DNPEP: variants seen among roughly 807,000 people sequenced by gnomAD.
The protein encoded by DNPEP is aspartyl aminopeptidase.
In DNPEP, 46 loss-of-function variants were observed where a neutral mutation model predicts 59.1. The observed-to-expected ratio is 0.78, with a 90% CI of 0.61 to 0.99. The LOEUF (loss-of-function observed/expected upper bound fraction) is 0.99, where lower values mean the gene tolerates loss of function less well. Among genes scored for constraint, DNPEP ranks in the 50% least tolerant of loss-of-function variants. The pLI is 0.00. For missense variants in DNPEP, 617 were observed against 649.9 expected (o/e 0.95, Z 0.55); for synonymous variants, 229 against 242.2 (o/e 0.95, Z 0.50).
intron 9 of DNPEP, 35 bp downstream of exon 9, chr2:219,384,331 G>A: frequency 6.3e-7 from 1 of 1,582,388 alleles, no homozygotes; most frequent in Non-Finnish European, 8.6e-7. Context: ...CTCTGCTGGT[G>A]GTTATGTGCT....
intron 11 of DNPEP, 91 bp from the exon 12 acceptor site, chr2:219,381,675 C>T (rs1953609038): frequency 2.9e-6 from 4 of 1,399,108 alleles, no homozygotes; most frequent in Non-Finnish European, 4.1e-6. Context: ...ACTAATAGAT[C>T]ACCACTCTTT....
chr2:219,377,129 C>T (rs1953404167), intron 13 of DNPEP, among the ~76,000 whole-genome samples: 3 of 151,924 alleles, frequency 2.0e-5, no homozygotes, highest in Middle Eastern at 3.4e-3. Context: ...CAAAAATTAG[C>T]TGGGCATCGT....
chr2:219,399,819 A>AAT (rs1192960590), intron 1 of DNPEP: 1 of 919,610 alleles, frequency 1.1e-6, no homozygotes, highest in East Asian at 3.2e-5. Context: ...GGTGCCTAGG[A>AAT]ACGTGTCTGC....
At chr2:219,376,767 G>A (rs527550337) in intron 13 of DNPEP, among the ~76,000 whole-genome samples, 2 of 152,162 alleles carry the variant, frequency 1.3e-5, no homozygotes, top group Admixed American at 1.3e-4. Flanking sequence ...AAGGATTATT[G>A]TAAGTGTTAA....
chr2:219,379,973 A>C (rs1383836940), intron 13 of DNPEP, among the ~76,000 whole-genome samples: 1 of 152,146 alleles, frequency 6.6e-6, no homozygotes, highest in Non-Finnish European at 1.5e-5. Flanking sequence ...CAGTAAACTA[A>C]TTTATTGTTG....
chr2:219,374,367 T>A lies in DNPEP; in HGVS notation c.1408-25A>T, dbSNP rs770242164. 3.1e-6 allele frequency: 5 copies of A among 1,609,430 alleles called. No homozygotes were observed. The East Asian group carries it at 6.7e-5, about 22-fold the overall frequency. On this transcript the variant is annotated intron_variant, in intron 14 of 14. Coordinates refer to ENST00000273075, the MANE Select transcript of DNPEP (RefSeq NM_012100.4). ...CCTATAATGGGAGGCAACATGGAGTTTGGAATTAGTGAGTGACCAGATGGA... is the reference window on the plus strand; with the variant it reads ...CCTATAATGGGAGGCAACATGGAGTATGGAATTAGTGAGTGACCAGATGGA...
intron 1 of DNPEP, among the ~76,000 whole-genome samples, chr2:219,398,328 T>C (rs895100971): frequency 1.3e-5 from 2 of 152,238 alleles, no homozygotes; most frequent in African/African-American, 4.8e-5. Flanking sequence ...AATGAATGTT[T>C]ACTAAATTAG....
upstream of DNPEP, chr2:219,388,600 A>G (rs1468431603): frequency 5.7e-6 from 4 of 699,086 alleles, no homozygotes; most frequent in South Asian, 6.4e-5. Context: ...AGCCGCCGCC[A>G]GGGCCCTCTG....
At chr2:219,378,920 T>C (rs1479447007) in intron 13 of DNPEP, among the ~76,000 whole-genome samples, 3 of 149,126 alleles carry the variant, frequency 2.0e-5, no homozygotes, top group Admixed American at 2.0e-4. Flanking sequence ...CTTTTTATTG[T>C]TATTTATTTA....
Position 219,384,427 on chromosome 2 carries a change from T to A in DNPEP, c.791A>T (p.Tyr264Phe), listed in dbSNP as rs780729824. 6.2e-7 allele frequency: 1 copy of A among 1,611,570 alleles called. No homozygotes were observed. The highest frequency in any genetic ancestry group is 8.5e-7 in the Non-Finnish European group (1 of 1,178,868). ...CCGAGGAGCAAAGATGAACTCATCA[T>A]AGGCACCACCCAAGACCTAGAGAGG... ...DTQPAVLGGA[Y>F]DEFIFAPRLD... is the part of the protein sequence containing the mutation. Residue 264 changes from tyrosine to phenylalanine, a missense_variant, in exon 9 of 15, where the codon TAT becomes TTT. Physicochemically the swap from Tyr to Phe is conservative, Grantham distance 22 (BLOSUM62 3). Transcript: ENST00000273075.
At chr2:219,379,013 G>A (rs1020275992) in intron 13 of DNPEP, among the ~76,000 whole-genome samples, 1 of 152,238 alleles carries the variant, frequency 6.6e-6, no homozygotes, top group Middle Eastern at 3.4e-3. Flanking sequence ...TGCCTCTTGG[G>A]TTCAAGCGAT....
chr2:219,385,438 C>T lies in DNPEP; in HGVS notation c.760G>A (p.Asp254Asn). Residue 254 changes from aspartate (D) to asparagine (N), a missense_variant, in exon 8 of 15, where the codon GAC becomes AAC. Coordinates refer to ENST00000273075, the MANE Select transcript of DNPEP (RefSeq NM_012100.4). Reference sequence around the variant, plus strand: ...CCAGTCCTCACCGCAGGCTGGGTGTCTGCAAGGCAGAGCTCCATCTCCACT... The same window carrying T: ...CCAGTCCTCACCGCAGGCTGGGTGTTTGCAAGGCAGAGCTCCATCTCCACT... ...DIVEMELCLA[D>N]TQPAVLGGAY... is the part of the protein sequence containing the mutation. 3 of 1,610,712 alleles carry T rather than the reference C, an allele frequency of 1.9e-6. No individual in the cohort carries two copies. The highest frequency in any genetic ancestry group is 2.5e-6 in the Non-Finnish European group (3 of 1,177,218).
At chr2:219,394,682 AC>A (rs1412273926) in intron 1 of DNPEP, among the ~76,000 whole-genome samples, 1 of 152,142 alleles carries the variant, frequency 6.6e-6, no homozygotes, top group Non-Finnish European at 1.5e-5. Context: ...TAGTATCCAT[AC>A]CCTGACAATT....
Position 219,387,301 on chromosome 2 carries a change from G to C in DNPEP, c.37-138C>G, listed in dbSNP as rs528766048. 2.1e-6 allele frequency: 3 copies of C among 1,448,900 alleles called. No individual in the cohort carries two copies. In the East Asian group the frequency reaches 7.5e-5, roughly 36 times the overall value. 89.8% of individuals were successfully genotyped at this position (1,448,900 alleles called of 1,614,324 possible). On this transcript the variant is annotated intron_variant, in intron 1 of 14. Coordinates refer to ENST00000273075, the MANE Select transcript of DNPEP (RefSeq NM_012100.4). ...ACCTCTGCTTCCGCCCGTCCCCACC[G>C]AGAGACCCAAACCCAGGGCTGAAAC...
upstream of DNPEP, among the ~76,000 whole-genome samples, chr2:219,393,392 G>T (rs1441848555): frequency 2.0e-5 from 3 of 152,072 alleles, no homozygotes; most frequent in African/African-American, 7.2e-5. Flanking sequence ...CGATTCTTCT[G>T]CCTCAGCCTC....
rs569695061 is a variant in DNPEP, at chr2:219,381,405, C to T, written c.1169G>A (p.Arg390His). ...GPVIKVNSKQ[R>H]YASNAVSEAL... is the part of the protein sequence containing the mutation. Reference sequence around the variant, plus strand: ...CTCTGACACCGCGTTTGAAGCATAGCGTTGCTTGCTGTTCACCTTGATCAC... The same window carrying T: ...CTCTGACACCGCGTTTGAAGCATAGTGTTGCTTGCTGTTCACCTTGATCAC... Residue 390 changes from arginine (R) to histidine (H), a missense_variant, in exon 13 of 15, where the codon CGC becomes CAC. By Grantham distance (29) the Arg-to-His change is conservative (BLOSUM62 0). Transcript: ENST00000273075. The T allele has an allele frequency of 1.2e-5, 19 of 1,614,228 alleles. No homozygotes were observed. Among genetic ancestry groups the T allele is most frequent in the South Asian group, 3.3e-5 (3 of 91,086 alleles).
intron 13 of DNPEP, among the ~76,000 whole-genome samples, chr2:219,380,846 C>CACACACACACACACACACAT (rs1430303801): frequency 6.6e-6 from 1 of 151,856 alleles, no homozygotes; most frequent in Non-Finnish European, 1.5e-5. Flanking sequence ...TATATGTACA[C>CACACACACACACACACACAT]ACACACACAC....
chr2:219,399,952 C>G, exon 1 of DNPEP: 1 of 1,544,136 alleles, frequency 6.5e-7, no homozygotes, highest in Non-Finnish European at 8.8e-7. Context: ...CCTCCCAAGG[C>G]TGGAGTGGAC....
At chr2:219,385,552 G>A in intron 7 of DNPEP, 21 bp from the exon 8 acceptor site, 1 of 1,607,262 alleles carries the variant, frequency 6.2e-7, no homozygotes, top group Non-Finnish European at 8.5e-7. Flanking sequence ...GAAAGATGCT[G>A]GGAAGAGTCC....
Sources: gnomAD v4.1 joint callset for allele counts (sites outside exome capture counted in the v4.1 genomes callset) on GRCh38, gnomAD v4.1.1 for gene constraint, MANE v1.5 for transcripts, NCBI Gene and HGNC (gene_info 2026-07-23, HGNC 2026-07-21) for gene names.